Variants in FKBP6 observed in about 807,000 individuals in gnomAD.
The protein encoded by FKBP6 is inactive peptidyl-prolyl cis-trans isomerase FKBP6.
A neutral mutation model predicts 41.7 loss-of-function variants in FKBP6; 29 were observed. That is an observed-to-expected ratio of 0.70 (90% CI 0.52 to 0.95). The LOEUF (loss-of-function observed/expected upper bound fraction) is 0.95. FKBP6 is among the 40% of genes least tolerant of loss of function. The probability of loss-of-function intolerance (pLI) is 0.00; values close to 1 mark genes in which losing one functional copy is unlikely to be tolerated. For synonymous variants in FKBP6, 130 were observed against 165.1 expected, an observed-to-expected ratio of 0.79 and a Z score of 1.63; for missense variants, 338 against 408.7, an observed-to-expected ratio of 0.83 and a Z score of 1.49.
At chr7:73,340,925 T>C (rs1805161042) in intron 6 of FKBP6, 93 bp downstream of exon 6, 3 of 927,398 alleles carry the variant, frequency 3.2e-6, no homozygotes, top group Non-Finnish European at 5.0e-6. Context: ...GTCTTTTTTT[T>C]TTTTTTTTTT....
At chr7:73,340,565 T>C (rs1583810491) in intron 5 of FKBP6, 73 bp from the exon 6 acceptor site, 1 of 1,256,366 alleles carries the variant, frequency 8.0e-7, no homozygotes, top group East Asian at 2.3e-5. Flanking sequence ...TGATAGTTTT[T>C]GCGTGTGGAT....
intron 8 of FKBP6, among the ~76,000 whole-genome samples, chr7:73,356,953 G>C (rs577938682): frequency 6.6e-6 from 1 of 152,188 alleles, no homozygotes; most frequent in Admixed American, 6.5e-5. Context: ...GCTAATTTTT[G>C]TATTTTTAGT....
At chr7:73,334,562 T>G (rs1554548221) in intron 5 of FKBP6, among the ~76,000 whole-genome samples, 1 of 152,120 alleles carries the variant, frequency 6.6e-6, no homozygotes, top group African/African-American at 2.4e-5. Flanking sequence ...GGTGGGAGGA[T>G]TGCTTGAAGC....
chr7:73,340,917 C>CTTTTT (rs368227645), intron 6 of FKBP6, 85 bp downstream of exon 6: 22 of 482,430 alleles, frequency 4.6e-5, no homozygotes, highest in South Asian at 8.8e-5. Context: ...AAAATGCTGT[C>CTTTTT]TTTTTTTTTT....
chr7:73,334,493 A>C (rs904998662), intron 5 of FKBP6, among the ~76,000 whole-genome samples: 6 of 147,154 alleles, frequency 4.1e-5, no homozygotes, highest in Admixed American at 1.4e-4. Flanking sequence ...TTTTCATTTA[A>C]AACTGGGGGG....
At chr7:73,347,676 G>A (rs1554550469) in intron 8 of FKBP6, among the ~76,000 whole-genome samples, 3 of 152,112 alleles carry the variant, frequency 2.0e-5, no homozygotes, top group Non-Finnish European at 4.4e-5. Context: ...ACAGAGTCTC[G>A]CTCTGTCACC....
chr7:73,348,095 T>G (rs1457899006), intron 8 of FKBP6, among the ~76,000 whole-genome samples: 1 of 152,242 alleles, frequency 6.6e-6, no homozygotes, highest in African/African-American at 2.4e-5. Context: ...AAATCACGTC[T>G]TCCTCGTTAT....
intron 8 of FKBP6, among the ~76,000 whole-genome samples, chr7:73,357,887 C>T (rs1308840952): frequency 1.1e-4 from 17 of 151,522 alleles, no homozygotes; most frequent in Non-Finnish European, 2.2e-4. Flanking sequence ...ACTCAGGAGG[C>T]TGAAGCAGGA....
In FKBP6 at chr7:73,329,537, C is replaced by T. The variant is rs782450814; in HGVS notation, c.265+88C>T. On this transcript the variant is annotated intron_variant, in intron 3 of 8. Coordinates refer to ENST00000252037, the MANE Select transcript of FKBP6 (RefSeq NM_003602.5). ...CTCAGGCTGGGAAGACTGCTCAGAG[C>T]GCAGGTTCTTTGAGTTGGCTTTGCT... 72 of 870,824 alleles carry T rather than the reference C, an allele frequency of 8.3e-5. 1 individual carries two copies. Among genetic ancestry groups the T allele is most frequent in the Middle Eastern group, 6.5e-4 (3 of 4,606 alleles). The allele number at this position is 870,824 out of a possible 1,614,324, so 53.9% of individuals were successfully genotyped here.
chr7:73,329,878 G>T, intron 3 of FKBP6: 1 of 559,778 alleles, frequency 1.8e-6, no homozygotes, highest in South Asian at 2.0e-5. Context: ...AGTGTTGTGG[G>T]TGTGCTTAAT....
chr7:73,341,465 C>T (rs1415656808), intron 7 of FKBP6, 83 bp downstream of exon 7: 2 of 920,472 alleles, frequency 2.2e-6, no homozygotes, highest in South Asian at 1.3e-5. Flanking sequence ...CAACAAAGGA[C>T]AGTCTGGCGG....
intron 8 of FKBP6, among the ~76,000 whole-genome samples, chr7:73,354,600 T>C (rs550629518): frequency 1.3e-5 from 2 of 152,338 alleles, no homozygotes; most frequent in South Asian, 2.1e-4. Context: ...TTTGGAGATA[T>C]CCAGATTAGG....
intron 8 of FKBP6, among the ~76,000 whole-genome samples, chr7:73,349,191 CCT>C (rs1554550737): frequency 2.0e-5 from 3 of 151,162 alleles, no homozygotes; most frequent in South Asian, 2.1e-4. Flanking sequence ...AGGTAGATCA[CCT>C]GAGGTCAGGA....
rs1446057415 is a variant in FKBP6 at position 73,328,367 on chromosome 7, C to A, written c.-62C>A. On this transcript the variant is annotated 5_prime_UTR_variant, in exon 1 of 9. Transcript: ENST00000252037. ...CTTCGGAACCCCACCAGAGTCACAG[C>A]CAGGGAGGGCAGCGGGGCGCACCAG... is the stretch of plus-strand genomic sequence containing the variant. The A allele has an allele frequency of 1.3e-6, 2 of 1,568,198 alleles. No individual in the cohort carries two copies. The highest frequency in any genetic ancestry group is 2.1e-4 in the Middle Eastern group (1 of 4,766).
At chr7:73,342,380 T>C (rs1805217121) in intron 7 of FKBP6, among the ~76,000 whole-genome samples, 1 of 152,262 alleles carries the variant, frequency 6.6e-6, no homozygotes, top group Non-Finnish European at 1.5e-5. Context: ...GTGTCTGAGA[T>C]GTGAGTATCT....
chr7:73,328,243 A>G lies in FKBP6; in HGVS notation c.-186A>G. On this transcript the variant is annotated 5_prime_UTR_variant, in exon 1 of 9. Transcript: ENST00000252037. The stretch of plus-strand genomic sequence containing the variant: ...TGTAGTTCCAGAGCTCGCGAGGGCC[A>G]GGGCCGTTGGCGGCGGTTGGAACGA... The G allele has an allele frequency of 6.5e-7, 1 of 1,549,162 alleles. No individual in the cohort carries two copies. The highest frequency in any genetic ancestry group is 8.7e-7 in the Non-Finnish European group (1 of 1,146,656).
intron 5 of FKBP6, chr7:73,337,083 A>G (rs145916101): frequency 2.0e-4 from 64 of 320,864 alleles, no homozygotes; most frequent in African/African-American, 1.3e-3. Flanking sequence ...CCAGCTGACA[A>G]CTTGCTTCAC....
At chr7:73,333,800 G>A (rs1193778874) in intron 5 of FKBP6, among the ~76,000 whole-genome samples, 4 of 152,152 alleles carry the variant, frequency 2.6e-5, no homozygotes, top group Non-Finnish European at 4.4e-5. Context: ...GGCTGGGCAC[G>A]GTGGCTCATG....
intron 7 of FKBP6, 135 bp downstream of exon 7, chr7:73,341,517 G>C: frequency 1.4e-6 from 1 of 720,898 alleles, no homozygotes; most frequent in Non-Finnish European, 2.5e-6. Flanking sequence ...CTACAGCTGG[G>C]TTTCTGAAGT....
Sources: allele counts gnomAD v4.1 joint callset (sites outside exome capture counted in the v4.1 genomes callset), GRCh38; gene constraint gnomAD v4.1.1; transcripts MANE v1.5; gene names NCBI Gene and HGNC (gene_info 2026-07-23, HGNC 2026-07-21).